The following TENM4 variants were observed in gnomAD, a reference collection of about 807,000 sequenced individuals.
TENM4 encodes teneurin-4.
A neutral mutation model predicts 243.3 loss-of-function variants in TENM4; 82 were observed. The observed-to-expected ratio is 0.34, with a 90% CI of 0.28 to 0.40. The LOEUF (loss-of-function observed/expected upper bound fraction) is 0.40, where lower values mean the gene tolerates loss of function less well. TENM4 is among the 10% of genes least tolerant of loss of function. TENM4 has a pLI of 1.00. For synonymous variants in TENM4, 1,412 were observed against 1,456.3 expected, an observed-to-expected ratio of 0.97 and a Z score of 0.69; for missense variants, 3,138 against 3,673.3, an observed-to-expected ratio of 0.85 and a Z score of 3.77.
chr11:79,293,814 G>A (rs563647982), intron 2 of TENM4, among the ~76,000 whole-genome samples: 1 of 152,330 alleles, frequency 6.6e-6, no homozygotes, highest in African/African-American at 2.4e-5. Flanking sequence ...TGCAGCCACA[G>A]GGACCAGAGG....
chr11:78,954,189 T>C (rs753739124), intron 6 of TENM4, among the ~76,000 whole-genome samples: 2 of 152,080 alleles, frequency 1.3e-5, no homozygotes, highest in Non-Finnish European at 2.9e-5. Context: ...TCAGACATGA[T>C]GACAGGGGCA....
chr11:78,718,647 T>C (rs1343334076), intron 25 of TENM4, among the ~76,000 whole-genome samples: 2 of 152,196 alleles, frequency 1.3e-5, no homozygotes, highest in African/African-American at 2.4e-5. Context: ...GCATGTGAAA[T>C]GTACTTCTGT....
chr11:79,406,089 T>C lies in TENM4; in HGVS notation c.-321+34420A>G, dbSNP rs546876226. On this transcript the variant is annotated intron_variant, in intron 1 of 33. Transcript: ENST00000278550. ...CAGGGCTGATGTTTCTTGGCCTGAC[T>C]GTGCAGACATACAATCTTGACCAAA... 2.6e-5 allele frequency among the ~76,000 whole-genome samples: 4 copies of C among 152,242 alleles called. No homozygotes were observed. The East Asian group carries it at 7.7e-4, about 29-fold the overall frequency.
In TENM4 at chr11:78,656,307, C is replaced by G. The variant is rs905683595; in HGVS notation, c.*1751G>C. ...TCAGACTCAGAATTCATTTTCCACA[C>G]TTAATGTAAATGTAACCCATAAAAG... On this transcript the variant is annotated 3_prime_UTR_variant, in exon 34 of 34. Coordinates refer to ENST00000278550, the MANE Select transcript of TENM4 (RefSeq NM_001098816.3). 6 of 152,376 alleles carry G rather than the reference C, an allele frequency of 3.9e-5. No homozygotes were observed. Among genetic ancestry groups the G allele is most frequent in the Admixed American group, 3.3e-4 (5 of 15,306 alleles). 9.4% of individuals were successfully genotyped at this position (152,376 alleles called of 1,614,324 possible).
At position 78,787,081 on chromosome 11, in the gene TENM4, TCTCTGTG is replaced by T; in HGVS notation, c.2180-5_2181del. The T allele has an allele frequency of 6.5e-7, 1 of 1,543,160 alleles. No individual in the cohort carries two copies. The highest frequency in any genetic ancestry group is 2.5e-5 in the East Asian group (1 of 40,718). On this transcript the variant is annotated splice_acceptor_variant and splice_polypyrimidine_tract_variant and coding_sequence_variant and intron_variant, in exon 16 of 34. Coordinates refer to ENST00000278550, the MANE Select transcript of TENM4 (RefSeq NM_001098816.3). LOFTEE classifies it high-confidence loss of function. ...TGGCCACCACAGTCGGCAGCACAGA[TCTCTGTG>T]GGGAGGAGCAGAAGAAGGGAGGACA...
chr11:79,401,119 C>A (rs1191103052), intron 1 of TENM4, among the ~76,000 whole-genome samples: 2 of 152,250 alleles, frequency 1.3e-5, no homozygotes, highest in Non-Finnish European at 1.5e-5. Context: ...GGAAATAATA[C>A]AAGGGATCCA....
chr11:79,325,108 AAGAG>A (rs1196605980), intron 1 of TENM4, among the ~76,000 whole-genome samples: 2 of 151,778 alleles, frequency 1.3e-5, no homozygotes, highest in African/African-American at 4.8e-5. Context: ...TGGCACGTGG[AAGAG>A]AGAGAGAGAG....
intron 6 of TENM4, among the ~76,000 whole-genome samples, chr11:78,960,560 C>T (rs1306797974): frequency 6.6e-6 from 1 of 152,156 alleles, no homozygotes; most frequent in Non-Finnish European, 1.5e-5. Context: ...CTGGGGCAGG[C>T]TTCCCTTGTC....
intron 7 of TENM4, among the ~76,000 whole-genome samples, chr11:78,898,073 G>C (rs1319269811): frequency 2.0e-5 from 3 of 152,190 alleles, no homozygotes; most frequent in Non-Finnish European, 4.4e-5. Context: ...AGTGGATCAG[G>C]GTTTGGGGGA....
rs1858354770 is a variant in TENM4 at position 78,672,397 on chromosome 11, C to T, written c.5497-68G>A. The T allele has an allele frequency of 2.4e-5, 37 of 1,529,376 alleles. No homozygotes were observed. In the South Asian group the frequency reaches 2.6e-4, roughly 11 times the overall value. The allele number at this position is 1,529,376 out of a possible 1,614,324, so 94.7% of individuals were successfully genotyped here. ...ATGAGAACTTTGGTCTGATGGGCCA[C>T]GTTGCTCTCAGCTCTGCTGGGAAGC... On this transcript the variant is annotated intron_variant, in intron 30 of 33. Coordinates refer to ENST00000278550, the MANE Select transcript of TENM4 (RefSeq NM_001098816.3).
intron 1 of TENM4, among the ~76,000 whole-genome samples, chr11:79,363,495 G>A (rs967486565): frequency 1.3e-5 from 2 of 152,122 alleles, no homozygotes; most frequent in Admixed American, 6.5e-5. Flanking sequence ...GTGTGGTATC[G>A]GTGCAGTCTG....
chr11:79,069,958 C>T lies in TENM4; in HGVS notation c.-14G>A, dbSNP rs1205529080. 1 of 1,543,064 alleles carries T rather than the reference C, an allele frequency of 6.5e-7. No individual in the cohort carries two copies. Among genetic ancestry groups the T allele is most frequent in the South Asian group, 1.2e-5 (1 of 83,808 alleles). On this transcript the variant is annotated 5_prime_UTR_variant, in exon 5 of 34. Coordinates refer to ENST00000278550, the MANE Select transcript of TENM4 (RefSeq NM_001098816.3). ...CTTCACGTCCATGGCCTCCGGCCCG[C>T]GCTCCTCCACATCCACAAACAGGGT...
chr11:79,035,081 T>C (rs1378128322), intron 6 of TENM4, among the ~76,000 whole-genome samples: 3 of 152,226 alleles, frequency 2.0e-5, no homozygotes, highest in African/African-American at 7.2e-5. Context: ...ACCTTATTGT[T>C]AATCTTCAGA....
intron 3 of TENM4, among the ~76,000 whole-genome samples, chr11:79,214,858 T>TA (rs1363546566): frequency 9.2e-5 from 14 of 152,248 alleles, no homozygotes; most frequent in African/African-American, 3.4e-4. Context: ...GCCTGGTCGC[T>TA]AAGTCACTAG....
chr11:78,889,420 C>T (rs546881799), intron 9 of TENM4, among the ~76,000 whole-genome samples: 1 of 152,366 alleles, frequency 6.6e-6, no homozygotes, highest in African/African-American at 2.4e-5. Context: ...TGTTCAGCCT[C>T]TCCAACTTGT....
At chr11:79,417,713 A>G (rs905214115) in intron 1 of TENM4, among the ~76,000 whole-genome samples, 1 of 151,916 alleles carries the variant, frequency 6.6e-6, no homozygotes, top group African/African-American at 2.4e-5. Context: ...TCCTTGCTTC[A>G]TCAGAATAGA....
intron 1 of TENM4, among the ~76,000 whole-genome samples, chr11:79,371,632 C>A (rs1857788418): frequency 6.6e-6 from 1 of 152,190 alleles, no homozygotes; most frequent in Non-Finnish European, 1.5e-5. Context: ...CTTCCCCTAG[C>A]CATGCCCCTC....
chr11:78,828,184 T>C (rs1361149422), intron 12 of TENM4, among the ~76,000 whole-genome samples: 2 of 152,246 alleles, frequency 1.3e-5, no homozygotes, highest in South Asian at 2.1e-4. Context: ...CTTACTTCCT[T>C]GCTGATTTCT....
At chr11:79,311,891 A>G (rs1856728356) in intron 1 of TENM4, among the ~76,000 whole-genome samples, 1 of 152,168 alleles carries the variant, frequency 6.6e-6, no homozygotes, top group Admixed American at 6.5e-5. Flanking sequence ...CGTGATGTTC[A>G]GATAAATGGC....
Sources: gnomAD v4.1 joint callset for allele counts (sites outside exome capture counted in the v4.1 genomes callset) on GRCh38, gnomAD v4.1.1 for gene constraint, MANE v1.5 for transcripts, NCBI Gene and HGNC (gene_info 2026-07-23, HGNC 2026-07-21) for gene names.